CSMD1: variants seen among roughly 807,000 people sequenced by gnomAD.
CSMD1 encodes CUB and Sushi multiple domains 1, also known as CUB and sushi domain-containing protein 1.
A neutral mutation model predicts 417.5 loss-of-function variants in CSMD1; 213 were observed. The ratio of observed to expected loss-of-function variants is 0.51; its 90% CI spans 0.46 to 0.57. CSMD1 has a LOEUF of 0.57. Ranked by LOEUF, CSMD1 falls within the 20% of genes least tolerant of loss-of-function variation. The pLI, the probability that CSMD1 is intolerant of heterozygous loss-of-function variation, is 0.00. For synonymous variants in CSMD1, 2,862 were observed against 1,736.8 expected (o/e 1.65, Z -16.11); for missense variants, 6,923 against 4,529.7 (o/e 1.53, Z -15.17).
In CSMD1 at chr8:4,040,724, G is replaced by C. The variant is rs112141946; in HGVS notation, c.416-8625C>G. On this transcript the variant is annotated intron_variant, in intron 3 of 69. Transcript: ENST00000635120. ...ATAATAGCAAAAACACTGCAGGAGA[G>C]ACTGCAGCAAAGTCAAAAACAAGGT... Among the ~76,000 whole-genome samples, 527 of 152,244 alleles carry C rather than the reference G, an allele frequency of 3.5e-3. 5 individuals are homozygous for C. The highest frequency in any genetic ancestry group is 0.01 in the African/African-American group (422 of 41,526).
intron 5 of CSMD1, among the ~76,000 whole-genome samples, chr8:3,900,439 C>G (rs1317614440): frequency 1.3e-5 from 2 of 151,380 alleles, no homozygotes; most frequent in South Asian, 4.2e-4. Flanking sequence ...AGCTGGGTGA[C>G]AGCACAGCTG....
At position 4,282,825 on chromosome 8, in the gene CSMD1, A is replaced by G. The variant is rs141676777; in HGVS notation, c.415+137128T>C. Among the ~76,000 whole-genome samples the G allele has an allele frequency of 1.0e-3, 158 of 152,278 alleles. 1 individual carries two copies. The highest frequency in any genetic ancestry group is 3.4e-3 in the Middle Eastern group (1 of 294). On this transcript the variant is annotated intron_variant, in intron 3 of 69. Transcript: ENST00000635120. ...TGGAGTCGGGTATATATCAGATTCA[A>G]CAAGCATCATTCAGAATCTGACAAA... is the stretch of plus-strand genomic sequence containing the variant.
intron 8 of CSMD1, among the ~76,000 whole-genome samples, chr8:3,612,399 T>C (rs770069518): frequency 2.0e-5 from 3 of 152,224 alleles, no homozygotes; most frequent in Admixed American, 2.0e-4. Flanking sequence ...ATCTGACAAG[T>C]GTTAAGAAAA....
At chr8:4,003,735 C>T (rs1254857836) in intron 4 of CSMD1, among the ~76,000 whole-genome samples, 1 of 152,082 alleles carries the variant, frequency 6.6e-6, no homozygotes, top group Non-Finnish European at 1.5e-5. Flanking sequence ...CCAACACAGG[C>T]GAGTGACACT....
chr8:3,421,605 AT>A (rs1813492293), intron 12 of CSMD1, among the ~76,000 whole-genome samples: 1 of 152,202 alleles, frequency 6.6e-6, no homozygotes, highest in South Asian at 2.1e-4. Context: ...GATAAAAAAA[AT>A]CCCCAGATTT....
chr8:4,812,739 C>A (rs1798978796), intron 1 of CSMD1, among the ~76,000 whole-genome samples: 1 of 152,228 alleles, frequency 6.6e-6, no homozygotes, highest in East Asian at 1.9e-4. Flanking sequence ...CCTTTCTTCA[C>A]AAAGCATCTG....
At chr8:3,476,963 T>G (rs967737413) in intron 11 of CSMD1, among the ~76,000 whole-genome samples, 6 of 150,130 alleles carry the variant, frequency 4.0e-5, no homozygotes, top group Non-Finnish European at 8.9e-5. Flanking sequence ...AGGGTTTAAG[T>G]TGGGGGAGCC....
chr8:3,294,724 C>A (rs561760121), intron 25 of CSMD1, among the ~76,000 whole-genome samples: 12 of 152,148 alleles, frequency 7.9e-5, no homozygotes, highest in Non-Finnish European at 1.8e-4. Flanking sequence ...CCATCTGTCA[C>A]CCCTTTCTTT....
chr8:4,349,819 C>T (rs1800983895), intron 3 of CSMD1, among the ~76,000 whole-genome samples: 2 of 133,012 alleles, frequency 1.5e-5, no homozygotes, highest in Admixed American at 1.4e-4. Context: ...TATGATATGA[C>T]CTTTTTTTTT....
intron 46 of CSMD1, among the ~76,000 whole-genome samples, chr8:3,097,369 C>T (rs1815386566): frequency 2.0e-5 from 3 of 152,124 alleles, no homozygotes; most frequent in African/African-American, 7.2e-5. Flanking sequence ...AGAACCTCAC[C>T]ATTTCAAAAG....
intron 3 of CSMD1, among the ~76,000 whole-genome samples, chr8:4,245,701 TA>T (rs1802664310): frequency 6.6e-6 from 1 of 152,138 alleles, no homozygotes; most frequent in Non-Finnish European, 1.5e-5. Context: ...CTATGTGAGG[TA>T]ATTTTTTCAA....
chr8:4,268,493 G>A (rs1452705579), intron 3 of CSMD1, among the ~76,000 whole-genome samples: 1 of 152,098 alleles, frequency 6.6e-6, no homozygotes, highest in African/African-American at 2.4e-5. Flanking sequence ...TAAGTATTTT[G>A]TAGTATTTAG....
Position 3,762,288 on chromosome 8 carries a change from C to T in CSMD1, c.819-8246G>A, listed in dbSNP as rs866849355. Among the ~76,000 whole-genome samples, 23 of 152,232 alleles carry T rather than the reference C, an allele frequency of 1.5e-4. No homozygotes were observed. The Middle Eastern group carries it at 0.01, about 68-fold the overall frequency. ...CAGCAGAAATATCTGCCCTGCATCC[C>T]ACCTACTCTGCACCTGCCTGGTCGT... On this transcript the variant is annotated intron_variant, in intron 5 of 69. Transcript: ENST00000635120.
At chr8:3,655,113 CATT>C (rs536845480) in intron 7 of CSMD1, among the ~76,000 whole-genome samples, 131 of 152,250 alleles carry the variant, frequency 8.6e-4, no homozygotes, top group African/African-American at 3.1e-3. Flanking sequence ...TGAAAATACA[CATT>C]AATTTTCCAA....
intron 23 of CSMD1, among the ~76,000 whole-genome samples, chr8:3,329,121 G>A (rs1049120726): frequency 2.0e-5 from 3 of 152,136 alleles, no homozygotes; most frequent in Non-Finnish European, 2.9e-5. Flanking sequence ...GGCATAGAAT[G>A]GAGGTGGAAG....
intron 2 of CSMD1, among the ~76,000 whole-genome samples, chr8:4,543,571 T>C (rs1246607471): frequency 1.4e-5 from 2 of 147,936 alleles, no homozygotes; most frequent in Admixed American, 1.4e-4. Flanking sequence ...GTTTTGACTA[T>C]AAACGTTCAT....
chr8:3,831,236 A>T (rs1173290913), intron 5 of CSMD1, among the ~76,000 whole-genome samples: 6 of 152,188 alleles, frequency 3.9e-5, no homozygotes. Context: ...TAAAAAAAAC[A>T]AAGTTTTGAG....
intron 19 of CSMD1, 126 bp downstream of exon 19, chr8:3,369,128 A>G (rs192173580): frequency 3.2e-4 from 178 of 552,118 alleles, no homozygotes; most frequent in Admixed American, 1.1e-3. Flanking sequence ...ATAAGTTAAA[A>G]TCTTGAACTA....
At chr8:4,595,412 T>C (rs13259249) in intron 2 of CSMD1, among the ~76,000 whole-genome samples, 55,968 of 134,954 alleles carry the variant, frequency 0.41, 15,743 homozygotes, top group Non-Finnish European at 0.55. Flanking sequence ...AATAATGCTA[T>C]ACATTGTCAA....
Sources: allele counts gnomAD v4.1 joint callset (sites outside exome capture counted in the v4.1 genomes callset), GRCh38; gene constraint gnomAD v4.1.1; transcripts MANE v1.5; gene names NCBI Gene and HGNC (gene_info 2026-07-23, HGNC 2026-07-21).